Variants in PRRT4 observed in about 807,000 individuals in gnomAD.
PRRT4 encodes the protein proline rich transmembrane protein 4.
A neutral mutation model predicts 55.6 loss-of-function variants in PRRT4; 59 were observed. The ratio of observed to expected loss-of-function variants is 1.06; its 90% CI spans 0.86 to 1.32. The LOEUF (loss-of-function observed/expected upper bound fraction) is 1.32. Ranked by LOEUF, PRRT4 falls within the 40% of genes most tolerant of loss-of-function variation. The pLI is 0.00. For synonymous variants in PRRT4, 606 were observed against 601.8 expected, an observed-to-expected ratio of 1.01 and a Z score of -0.10; for missense variants, 1,217 against 1,222.0, an observed-to-expected ratio of 1.00 and a Z score of 0.06.
chr7:128,359,888 G>T, exon 2 of PRRT4: 1 of 1,464,752 alleles, frequency 6.8e-7, no homozygotes, highest in African/African-American at 1.4e-5. Context: ...GGTCAAAGTG[G>T]TGGCAGGGGC....
exon 5 of PRRT4, chr7:128,351,341 C>T (rs1193514063): frequency 6.5e-7 from 1 of 1,547,072 alleles, no homozygotes; most frequent in Non-Finnish European, 8.7e-7. Context: ...AGCAGGGCCT[C>T]GCTGCAGAGG....
exon 5 of PRRT4, chr7:128,351,804 G>C: frequency 7.0e-7 from 1 of 1,419,074 alleles, no homozygotes; most frequent in Non-Finnish European, 9.1e-7. Context: ...GGCCGCCGTA[G>C]CCCAGGGCGT....
chr7:128,352,353 C>G, exon 5 of PRRT4: 2 of 1,526,694 alleles, frequency 1.3e-6, no homozygotes, highest in Non-Finnish European at 1.8e-6. Flanking sequence ...GCAGGTCCAG[C>G]AGCGCCAGGC....
intron 4 of PRRT4, among the ~76,000 whole-genome samples, chr7:128,354,367 C>G (rs1797065794): frequency 6.6e-6 from 1 of 152,180 alleles, no homozygotes; most frequent in Non-Finnish European, 1.5e-5. Flanking sequence ...AGTTTGAGAC[C>G]AGCCTGGCCA....
chr7:128,359,525 T>C, exon 2 of PRRT4: 1 of 1,479,340 alleles, frequency 6.8e-7, no homozygotes, highest in Non-Finnish European at 9.0e-7. Flanking sequence ...CAGAGCAGTG[T>C]CCCAGGTCAC....
chr7:128,352,689 A>G lies in PRRT4; in HGVS notation c.878-11T>C. On this transcript the variant is annotated splice_polypyrimidine_tract_variant and intron_variant, in intron 4 of 4. Transcript: ENST00000535159. Reference sequence around the variant, plus strand: ...TGGGGACTGTGGGGTCTGTGGGCAAAGAACGTTTGGCTTGAGGCAATGATG... The same window carrying G: ...TGGGGACTGTGGGGTCTGTGGGCAAGGAACGTTTGGCTTGAGGCAATGATG... 1 of 1,515,182 alleles carries G rather than the reference A, an allele frequency of 6.6e-7. No homozygotes were observed. The highest frequency in any genetic ancestry group is 8.8e-7 in the Non-Finnish European group (1 of 1,133,952). 93.9% of individuals were successfully genotyped at this position (1,515,182 alleles called of 1,614,324 possible).
At position 128,359,428 on chromosome 7, in the gene PRRT4, T is replaced by C. The variant is rs1186776439; in HGVS notation, c.564A>G (p.Ala188=). The change falls in exon 2 of 5, where the codon GCA becomes GCG. Residue 188 remains alanine, a synonymous_variant. Coordinates refer to ENST00000535159, the Ensembl canonical transcript of PRRT4. ...GCGTTCGATGCCCAAGCGTGGGGGCTGCACCTGCTCTCAGTGCCATGTCAA... is the reference window on the plus strand; with the variant it reads ...GCGTTCGATGCCCAAGCGTGGGGGCCGCACCTGCTCTCAGTGCCATGTCAA... The C allele has an allele frequency of 5.5e-6, 8 of 1,465,068 alleles. No homozygotes were observed. In the East Asian group the frequency reaches 1.7e-4, roughly 32 times the overall value. 90.8% of individuals were successfully genotyped at this position (1,465,068 alleles called of 1,614,324 possible). A position where few individuals can be genotyped will look rare whatever the true frequency, so the allele number is the denominator to read the frequency against.
In PRRT4 at chr7:128,352,653, TG is replaced by T; in HGVS notation, c.902del (p.Pro301GlnfsTer46). The stretch of plus-strand genomic sequence containing the variant: ...GGCTGGCGGGAGGAGAGAGGTCATC[TG>T]GGCCAGAGATGGGGACTGTGGGGTC... On this transcript the variant is annotated frameshift_variant, in exon 5 of 5. Coordinates refer to ENST00000535159, the Ensembl canonical transcript of PRRT4. LOFTEE classifies it high-confidence loss of function. 6.5e-7 allele frequency: 1 copy of T among 1,537,088 alleles called. No homozygotes were observed.
Position 128,358,236 on chromosome 7 carries a change from C to T in PRRT4, c.877+445G>A, listed in dbSNP as rs947367306. 6.6e-6 allele frequency among the ~76,000 whole-genome samples: 1 copy of T among 152,232 alleles called. No homozygotes were observed. Among genetic ancestry groups the T allele is most frequent in the Non-Finnish European group, 1.5e-5 (1 of 68,050 alleles). ...GGTGGCATCTGCCTGCTCAAGGTCT[C>T]CTCCTCAGTGTCTTCCCAATGAGAA... is the stretch of plus-strand genomic sequence containing the variant. On this transcript the variant is annotated intron_variant, in intron 4 of 4. Coordinates refer to ENST00000535159, the Ensembl canonical transcript of PRRT4. This position sits in a 1 kb window ranked among gnomAD's most constrained non-coding sequence, Gnocchi z 4.4.
Position 128,356,685 on chromosome 7 carries a change from G to A in PRRT4, c.877+1996C>T, listed in dbSNP as rs141176037. The stretch of plus-strand genomic sequence containing the variant: ...AATGTGAATAACTGGTGAGGCAGGC[G>A]CTGGCTGGGGAGGGGTTGTGGGAGG... On this transcript the variant is annotated intron_variant, in intron 4 of 4. Transcript: ENST00000535159. 5.3e-3 allele frequency among the ~76,000 whole-genome samples: 802 copies of A among 152,360 alleles called. 10 individuals are homozygous for A. Among genetic ancestry groups the A allele is most frequent in the African/African-American group, 0.018 (757 of 41,576 alleles).
At chr7:128,352,514 G>A in exon 5 of PRRT4, 2 of 1,543,030 alleles carry the variant, frequency 1.3e-6, no homozygotes, top group Non-Finnish European at 1.7e-6. Flanking sequence ...TCGGCCTCCA[G>A]GGTCAGGAAA....
intron 4 of PRRT4, among the ~76,000 whole-genome samples, chr7:128,354,570 AAC>A (rs927167837): frequency 3.0e-3 from 251 of 83,574 alleles, no homozygotes; most frequent in East Asian, 0.028. Flanking sequence ...GCTCAAAAAA[AAC>A]ACACACACAC....
Position 128,351,144 on chromosome 7 carries a change from G to A in PRRT4, c.2412C>T (p.Gly804=), listed in dbSNP as rs759224368. 6.5e-6 allele frequency: 10 copies of A among 1,547,256 alleles called. No individual in the cohort carries two copies. The South Asian group carries it at 1.1e-4, about 17-fold the overall frequency. ...TGTCCCGCGAGAGTCCGCAGAACGA[G>A]CCAGATGAGACGCTGCTGCCTGCGG... Residue 804 remains glycine (G), a synonymous_variant, in exon 5 of 5, where the codon GGC becomes GGT. Coordinates refer to ENST00000535159, the Ensembl canonical transcript of PRRT4.
intron 1 of PRRT4, among the ~76,000 whole-genome samples, chr7:128,360,987 G>GCACA (rs140168327): frequency 2.1e-5 from 3 of 144,944 alleles, no homozygotes; most frequent in Non-Finnish European, 3.0e-5. Context: ...ACGCGCGCGC[G>GCACA]CACACACACA....
chr7:128,358,786 T>C lies in PRRT4; in HGVS notation c.772A>G (p.Thr258Ala), dbSNP rs1297212780. The C allele has an allele frequency of 1.9e-6, 3 of 1,546,836 alleles. No individual in the cohort carries two copies. The highest frequency in any genetic ancestry group is 2.8e-5 in the African/African-American group (2 of 72,718). The change falls in exon 4 of 5, where the codon ACT becomes GCT. Residue 258 changes from threonine (T) to alanine (A), a missense_variant. By Grantham distance (58) the Thr-to-Ala change is moderately conservative (BLOSUM62 0). This residue lies in a region of PRRT4 where 564 missense variants were observed against 592.9 expected (regional missense o/e 0.95). Transcript: ENST00000535159. This position sits in a 1 kb window ranked among gnomAD's most constrained non-coding sequence, Gnocchi z 4.4. ...AGGGAGTATGGGGGCAGGGACAGAG[T>C]GGTACCAAGGAACCCTGCAAAGGGA... is the stretch of plus-strand genomic sequence containing the variant.
chr7:128,352,025 C>G (rs1354747885), exon 5 of PRRT4: 15 of 1,307,794 alleles, frequency 1.1e-5, no homozygotes, highest in African/African-American at 3.1e-5. Flanking sequence ...AGCAGCAGCC[C>G]GGAAAGGAAA....
intron 4 of PRRT4, among the ~76,000 whole-genome samples, chr7:128,353,647 T>C (rs925696945): frequency 2.0e-5 from 3 of 152,202 alleles, no homozygotes; most frequent in Admixed American, 1.3e-4. Context: ...TTAATATAGA[T>C]GGCTCCATGC....
Position 128,352,555 on chromosome 7 carries a change from C to T in PRRT4, c.1001G>A (p.Gly334Glu), listed in dbSNP as rs376756635. 6.9e-5 allele frequency: 106 copies of T among 1,544,600 alleles called. No homozygotes were observed. Among genetic ancestry groups the T allele is most frequent in the Non-Finnish European group, 8.7e-5 (100 of 1,146,932 alleles). The change falls in exon 5 of 5, where the codon GGG (glycine) becomes GAG (glutamate). Residue 334 changes from glycine to glutamate, a missense_variant. This residue lies in a region of PRRT4 where 564 missense variants were observed against 592.9 expected (regional missense o/e 0.95). Coordinates refer to ENST00000535159, the Ensembl canonical transcript of PRRT4. ...GGGCCTCGGCGCCTCGGGAGGCTGCCCCTCGCGTTCAGGCAATTCTCCCAC... is the reference window on the plus strand; with the variant it reads ...GGGCCTCGGCGCCTCGGGAGGCTGCTCCTCGCGTTCAGGCAATTCTCCCAC...
exon 2 of PRRT4, chr7:128,359,591 C>T (rs56272205): frequency 0.15 from 229,350 of 1,510,168 alleles, 18,030 homozygotes; most frequent in South Asian, 0.16. Flanking sequence ...CCCAGAGCGC[C>T]GGGATGTGGA....
Sources: allele counts gnomAD v4.1 joint callset (sites outside exome capture counted in the v4.1 genomes callset), GRCh38; gene constraint gnomAD v4.1.1; regional missense constraint gnomAD v4.1.1; non-coding constraint Gnocchi (gnomAD v3.1); transcripts MANE v1.5; gene names NCBI Gene and HGNC (gene_info 2026-07-23, HGNC 2026-07-21).